Variants in HLCS observed in about 807,000 individuals in gnomAD.
HLCS encodes the protein biotin--protein ligase.
A neutral mutation model predicts 75.0 loss-of-function variants in HLCS; 53 were observed. The observed-to-expected ratio is 0.71, with a 90% confidence interval of 0.57 to 0.89. The LOEUF is 0.89. HLCS is among the 40% of genes least tolerant of loss of function. The probability of loss-of-function intolerance (pLI) is 0.00; values close to 1 mark genes in which losing one functional copy is unlikely to be tolerated. For synonymous variants in HLCS, 431 were observed against 428.6 expected, an observed-to-expected ratio of 1.01 and a Z score of -0.07; for missense variants, 966 against 1,074.0, an observed-to-expected ratio of 0.90 and a Z score of 1.41.
At chr21:36,758,317 AG>A (rs2089685119) in intron 9 of HLCS, among the ~76,000 whole-genome samples, 1 of 152,086 alleles carries the variant, frequency 6.6e-6, no homozygotes, top group East Asian at 1.9e-4. Flanking sequence ...CATGTCACTC[AG>A]GCTGGTCTCG....
At chr21:36,941,067 C>T (rs887344866) in intron 2 of HLCS, among the ~76,000 whole-genome samples, 3 of 152,198 alleles carry the variant, frequency 2.0e-5, no homozygotes, top group African/African-American at 4.8e-5. Flanking sequence ...CAAAAATTAG[C>T]CAGGCGTTGT....
intron 6 of HLCS, among the ~76,000 whole-genome samples, chr21:36,847,920 G>A (rs959892919): frequency 4.6e-5 from 7 of 151,852 alleles, no homozygotes; most frequent in African/African-American, 1.5e-4. Context: ...TTTACTTTTC[G>A]AAAACAAAAT....
intron 6 of HLCS, among the ~76,000 whole-genome samples, chr21:36,843,828 A>G (rs1047487663): frequency 3.3e-5 from 5 of 152,110 alleles, no homozygotes; most frequent in South Asian, 4.2e-4. Context: ...CAACAAAGAG[A>G]GACCCCGTCA....
intron 6 of HLCS, among the ~76,000 whole-genome samples, chr21:36,778,030 A>G (rs956667965): frequency 4.5e-4 from 69 of 151,750 alleles, no homozygotes; most frequent in East Asian, 2.1e-3. Context: ...GTGCAGTGGC[A>G]CGATCTCAGC....
Position 36,984,261 on chromosome 21 carries a change from G to C in HLCS, c.-393+5897C>G, listed in dbSNP as rs183377722. Among the ~76,000 whole-genome samples, 24 of 152,146 alleles carry C rather than the reference G, an allele frequency of 1.6e-4. No individual in the cohort carries two copies. In the East Asian group the frequency reaches 4.4e-3, roughly 28 times the overall value. On this transcript the variant is annotated intron_variant, in intron 1 of 11. Transcript: ENST00000336648. ...GTTCCAAGACCCCCAGTGGACGCCT[G>C]AACCCTATATATATTGTTTTTTCCT...
intron 5 of HLCS, among the ~76,000 whole-genome samples, chr21:36,907,853 A>G (rs556213170): frequency 7.2e-5 from 11 of 152,204 alleles, no homozygotes; most frequent in Non-Finnish European, 1.5e-4. Flanking sequence ...ACACTGCCCA[A>G]AAGAAAATAT....
chr21:36,768,637 C>A (rs114332776), intron 6 of HLCS, among the ~76,000 whole-genome samples: 26 of 152,328 alleles, frequency 1.7e-4, no homozygotes, highest in African/African-American at 6.3e-4. Flanking sequence ...TCTTCCCACA[C>A]GGCTGCTGGA....
At chr21:36,785,968 T>G (rs2060673941) in intron 6 of HLCS, among the ~76,000 whole-genome samples, 1 of 152,224 alleles carries the variant, frequency 6.6e-6, no homozygotes, top group Non-Finnish European at 1.5e-5. Context: ...AGTTGGATCC[T>G]GTGTCTGTCT....
chr21:36,768,667 G>A (rs545312535), intron 6 of HLCS, among the ~76,000 whole-genome samples: 1 of 152,320 alleles, frequency 6.6e-6, no homozygotes, highest in Admixed American at 6.5e-5. Context: ...GGACGCTTTC[G>A]GCGAGCAGGC....
rs149512645 is a variant in HLCS at position 36,897,204 on chromosome 21, A to G, written c.1621-73T>C. 8 of 1,521,720 alleles carry G rather than the reference A, an allele frequency of 5.3e-6. No homozygotes were observed. In the East Asian group the frequency reaches 1.8e-4, roughly 34 times the overall value. The allele number at this position is 1,521,720 out of a possible 1,614,324, so 94.3% of individuals were successfully genotyped here. A position where few individuals can be genotyped will look rare whatever the true frequency, so the allele number is the denominator to read the frequency against. ...TAGATCATGGTAGCTTTTCCTTATAATGCCATTTTGGTAATATGAGTACTT... is the reference window on the plus strand; with the variant it reads ...TAGATCATGGTAGCTTTTCCTTATAGTGCCATTTTGGTAATATGAGTACTT... On this transcript the variant is annotated intron_variant, in intron 5 of 10. Coordinates refer to ENST00000674895, the MANE Select transcript of HLCS (RefSeq NM_001352514.2).
intron 4 of HLCS, among the ~76,000 whole-genome samples, chr21:36,932,429 G>C (rs1225405292): frequency 6.6e-6 from 1 of 152,150 alleles, no homozygotes; most frequent in African/African-American, 2.4e-5. Flanking sequence ...CACCAGAAAG[G>C]CCTTTCCTCC....
intron 6 of HLCS, among the ~76,000 whole-genome samples, chr21:36,837,220 T>C (rs1044611938): frequency 6.6e-5 from 10 of 152,186 alleles, no homozygotes; most frequent in Admixed American, 1.3e-4. Context: ...TGCATGGCAT[T>C]TGACATTCTT....
At chr21:36,778,951 C>T (rs1016635150) in intron 6 of HLCS, among the ~76,000 whole-genome samples, 3 of 152,086 alleles carry the variant, frequency 2.0e-5, no homozygotes, top group South Asian at 2.1e-4. Context: ...CTGGAATCAG[C>T]GATTTCTCCA....
intron 6 of HLCS, among the ~76,000 whole-genome samples, chr21:36,778,755 A>T (rs2060441095): frequency 6.6e-6 from 1 of 152,208 alleles, no homozygotes. Flanking sequence ...TTATTTCAGT[A>T]GATTGTATGC....
chr21:36,954,677 C>A (rs2067841464), intron 2 of HLCS, among the ~76,000 whole-genome samples: 1 of 152,108 alleles, frequency 6.6e-6, no homozygotes, highest in South Asian at 2.1e-4. Context: ...TGATAATAAA[C>A]AACTGTTACT....
chr21:36,860,072 C>T (rs950730768), intron 6 of HLCS, among the ~76,000 whole-genome samples: 1 of 152,224 alleles, frequency 6.6e-6, no homozygotes, highest in Non-Finnish European at 1.5e-5. Context: ...GGGTTCCCTG[C>T]ATGTGTGCAC....
At chr21:36,921,623 C>A (rs896715968) in intron 5 of HLCS, among the ~76,000 whole-genome samples, 5 of 152,130 alleles carry the variant, frequency 3.3e-5, no homozygotes, top group African/African-American at 1.2e-4. Flanking sequence ...CAGGACCCAG[C>A]GATCTAGCTG....
intron 6 of HLCS, among the ~76,000 whole-genome samples, chr21:36,845,135 T>C (rs1243875928): frequency 6.6e-6 from 1 of 152,212 alleles, no homozygotes; most frequent in East Asian, 1.9e-4. Context: ...ATTGTTATTC[T>C]TCTTAAATGG....
chr21:36,854,465 G>A (rs372260538), intron 6 of HLCS, among the ~76,000 whole-genome samples: 2 of 152,168 alleles, frequency 1.3e-5, no homozygotes, highest in East Asian at 3.9e-4. Context: ...AGGAAGTGCA[G>A]ACTGTACAGA....
Sources: gnomAD v4.1 joint callset for allele counts (sites outside exome capture counted in the v4.1 genomes callset) on GRCh38, gnomAD v4.1.1 for gene constraint, MANE v1.5 for transcripts, NCBI Gene and HGNC (gene_info 2026-07-23, HGNC 2026-07-21) for gene names.